CDH13: variants seen among roughly 807,000 people sequenced by gnomAD.
CDH13 encodes cadherin 13, also known as cadherin-13.
A neutral mutation model predicts 63.8 loss-of-function variants in CDH13; 24 were observed. The ratio of observed to expected loss-of-function variants is 0.38; its 90% CI spans 0.27 to 0.53. The LOEUF (loss-of-function observed/expected upper bound fraction) is 0.53, where lower values mean the gene tolerates loss of function less well. Among genes scored for constraint, CDH13 ranks in the 20% least tolerant of loss-of-function variants. The pLI is 0.85. For missense variants in CDH13, 1,049 were observed against 903.1 expected (o/e 1.16, Z -2.07); for synonymous variants, 503 against 355.3 (o/e 1.42, Z -4.67).
intron 11 of CDH13, among the ~76,000 whole-genome samples, chr16:83,750,021 G>A (rs1334900508): frequency 1.3e-5 from 2 of 152,144 alleles, no homozygotes; most frequent in African/African-American, 4.8e-5. Context: ...ATGTTGGCTG[G>A]GCACGGTGGC....
intron 2 of CDH13, among the ~76,000 whole-genome samples, chr16:82,921,118 T>C (rs1371075042): frequency 6.6e-6 from 1 of 152,220 alleles, no homozygotes; most frequent in East Asian, 1.9e-4. Context: ...ACAATCCTTT[T>C]GATAAGTTGT....
At chr16:83,256,045 T>A (rs1339490377) in intron 5 of CDH13, among the ~76,000 whole-genome samples, 1 of 152,152 alleles carries the variant, frequency 6.6e-6, no homozygotes, top group Non-Finnish European at 1.5e-5. Context: ...GTGATTATTT[T>A]TTTCTTGAGA....
At chr16:83,632,983 G>A (rs896228306) in intron 8 of CDH13, among the ~76,000 whole-genome samples, 2 of 151,948 alleles carry the variant, frequency 1.3e-5, no homozygotes, top group Non-Finnish European at 2.9e-5. Flanking sequence ...AAACTGTCAT[G>A]GCACTGGTGG....
chr16:83,514,871 C>A (rs562070932), intron 7 of CDH13, among the ~76,000 whole-genome samples: 1 of 152,244 alleles, frequency 6.6e-6, no homozygotes, highest in South Asian at 2.1e-4. Context: ...GTGCTTTTGG[C>A]CTCCAGGACT....
chr16:83,773,024 G>A (rs570031501), intron 11 of CDH13: 1 of 152,372 alleles, frequency 6.6e-6, no homozygotes, highest in South Asian at 2.1e-4. Context: ...TGTTTGTGGG[G>A]AGGTTGGTCC....
At chr16:83,067,906 A>G (rs2032141163) in intron 3 of CDH13, among the ~76,000 whole-genome samples, 1 of 152,022 alleles carries the variant, frequency 6.6e-6, no homozygotes. Flanking sequence ...GCTCTGGCCA[A>G]AAAGTTTGAA....
intron 3 of CDH13, among the ~76,000 whole-genome samples, chr16:83,090,479 C>T (rs1260472914): frequency 1.3e-5 from 2 of 150,194 alleles, no homozygotes; most frequent in African/African-American, 4.9e-5. Context: ...GAGGCTGAGG[C>T]GGGAGAATCG....
intron 2 of CDH13, 24 bp downstream of exon 2, chr16:82,858,497 CT>C: frequency 7.7e-7 from 1 of 1,305,100 alleles, no homozygotes; most frequent in Non-Finnish European, 1.1e-6. Context: ...CTCAAAGATG[CT>C]TTTAGACTCT....
intron 6 of CDH13, among the ~76,000 whole-genome samples, chr16:83,409,343 A>C (rs1232087870): frequency 1.3e-5 from 2 of 152,202 alleles, no homozygotes; most frequent in Non-Finnish European, 2.9e-5. Context: ...ACCATGTGCC[A>C]AGCAGAGCTG....
chr16:83,453,363 G>C (rs2072933907), intron 6 of CDH13, among the ~76,000 whole-genome samples: 1 of 150,880 alleles, frequency 6.6e-6, no homozygotes, highest in Non-Finnish European at 1.5e-5. Context: ...AAAAACCTAT[G>C]GAAACAAAAA....
At chr16:83,008,108 G>T (rs993636093) in intron 2 of CDH13, among the ~76,000 whole-genome samples, 7 of 152,090 alleles carry the variant, frequency 4.6e-5, no homozygotes, top group African/African-American at 1.7e-4. Context: ...CATGTATGAG[G>T]TATTTTCCAG....
intron 2 of CDH13, among the ~76,000 whole-genome samples, chr16:82,878,645 G>A (rs1166032356): frequency 1.3e-5 from 2 of 150,970 alleles, no homozygotes; most frequent in Admixed American, 6.7e-5. Flanking sequence ...GGGTAGATTC[G>A]AGTGGAGCCT....
At position 82,970,382 on chromosome 16, in the gene CDH13, C is replaced by CTTTTTT. The variant is rs558393653; in HGVS notation, c.158-61605_158-61600dup. Reference sequence around the variant, plus strand: ...TTTGCTATTGTGAACAGTGCATATTCTTTTTTTTTTTTTTTTTTTTTTTTT... The same window carrying CTTTTTT: ...TTTGCTATTGTGAACAGTGCATATTCTTTTTTTTTTTTTTTTTTTTTTTTTTTTTTT... On this transcript the variant is annotated intron_variant, in intron 2 of 13. Coordinates refer to ENST00000567109, the MANE Select transcript of CDH13 (RefSeq NM_001257.5). 4.6e-4 allele frequency among the ~76,000 whole-genome samples: 35 copies of CTTTTTT among 76,756 alleles called. 1 individual carries two copies. The highest frequency in any genetic ancestry group is 6.5e-4 in the Non-Finnish European group (25 of 38,494). 50.4% of individuals were successfully genotyped at this position (76,756 alleles called of 152,430 possible).
At position 82,961,263 on chromosome 16, in the gene CDH13, G is replaced by A. The variant is rs140186760; in HGVS notation, c.158-70747G>A. On this transcript the variant is annotated intron_variant, in intron 2 of 13. Coordinates refer to ENST00000567109, the MANE Select transcript of CDH13 (RefSeq NM_001257.5). The stretch of plus-strand genomic sequence containing the variant: ...ATGGGGTAGCCAGGCCTAAAACCCC[G>A]GCCTTTGGCTTACAGCCGCCCGTCA... 7.8e-3 allele frequency among the ~76,000 whole-genome samples: 1,185 copies of A among 152,228 alleles called. 11 individuals carry two copies. Among genetic ancestry groups the A allele is most frequent in the Middle Eastern group, 0.031 (9 of 294 alleles).
intron 5 of CDH13, among the ~76,000 whole-genome samples, chr16:83,261,950 C>T (rs764363000): frequency 6.6e-6 from 1 of 152,236 alleles, no homozygotes; most frequent in East Asian, 1.9e-4. Flanking sequence ...CAGATTTGTT[C>T]TGTTCCATTC....
chr16:83,513,257 C>T (rs1415523087), intron 7 of CDH13, among the ~76,000 whole-genome samples: 1 of 152,120 alleles, frequency 6.6e-6, no homozygotes, highest in Non-Finnish European at 1.5e-5. Flanking sequence ...ACATCTGAGT[C>T]AGCCGCTGAC....
intron 5 of CDH13, among the ~76,000 whole-genome samples, chr16:83,302,794 T>A (rs1191101123): frequency 6.6e-6 from 1 of 152,212 alleles, no homozygotes; most frequent in African/African-American, 2.4e-5. Flanking sequence ...AGAGTGGGAA[T>A]GTCAGAGCAG....
At chr16:83,657,945 C>T (rs1303091435) in intron 8 of CDH13, among the ~76,000 whole-genome samples, 4 of 149,046 alleles carry the variant, frequency 2.7e-5, no homozygotes, top group African/African-American at 1.0e-4. Context: ...CACCAGGTCC[C>T]ATATCCTCAC....
At chr16:82,697,990 A>G (rs1174767892) in intron 1 of CDH13, among the ~76,000 whole-genome samples, 1 of 152,154 alleles carries the variant, frequency 6.6e-6, no homozygotes, top group Non-Finnish European at 1.5e-5. Flanking sequence ...ATATGGCTGC[A>G]TGTTAATGTT....
Sources: gnomAD v4.1 joint callset for allele counts (sites outside exome capture counted in the v4.1 genomes callset) on GRCh38, gnomAD v4.1.1 for gene constraint, MANE v1.5 for transcripts, NCBI Gene and HGNC (gene_info 2026-07-23, HGNC 2026-07-21) for gene names.